RORA: variants seen among roughly 807,000 people sequenced by gnomAD.
The protein encoded by RORA is nuclear receptor ROR-alpha.
A neutral mutation model predicts 69.5 loss-of-function variants in RORA; 7 were observed. The ratio of observed to expected loss-of-function variants is 0.10; its 90% CI spans 0.06 to 0.19. The LOEUF (loss-of-function observed/expected upper bound fraction) is 0.19. RORA is among the 10% of genes least tolerant of loss of function. The pLI is 1.00. For synonymous variants in RORA, 261 were observed against 240.8 expected, an observed-to-expected ratio of 1.08 and a Z score of -0.78; for missense variants, 457 against 663.0, an observed-to-expected ratio of 0.69 and a Z score of 3.41.
At chr15:60,593,523 C>A (rs541853892) in intron 2 of RORA, 1 of 152,248 alleles carries the variant, frequency 6.6e-6, no homozygotes, top group African/African-American at 2.4e-5. Context: ...CTTAATTCTT[C>A]TTACTGTCCT....
intron 1 of RORA, among the ~76,000 whole-genome samples, chr15:61,188,953 G>C (rs1008987087): frequency 6.6e-6 from 1 of 152,100 alleles, no homozygotes; most frequent in African/African-American, 2.4e-5. Context: ...TACTCACCGA[G>C]GAAGAAAAAA....
rs2078807923 is a variant in RORA at position 61,097,470 on chromosome 15, A to AG, written c.166+131582dup. ...TTCACAGTAGCCACCCTGTTCTCCAAGGGGGCTCCAGGACTTTCTGCTTGT... is the reference window on the plus strand; with the variant it reads ...TTCACAGTAGCCACCCTGTTCTCCAAGGGGGGCTCCAGGACTTTCTGCTTGT... On this transcript the variant is annotated intron_variant, in intron 1 of 10. Coordinates refer to ENST00000335670, the MANE Select transcript of RORA (RefSeq NM_134261.3). 4.0e-5 allele frequency among the ~76,000 whole-genome samples: 6 copies of AG among 151,766 alleles called. No individual in the cohort carries two copies. The South Asian group carries it at 1.3e-3, about 32-fold the overall frequency.
chr15:60,701,047 G>A (rs531590742), intron 1 of RORA, among the ~76,000 whole-genome samples: 6 of 152,222 alleles, frequency 3.9e-5, no homozygotes, highest in African/African-American at 9.6e-5. Flanking sequence ...ACCCAAAGGC[G>A]GCCTACTCTT....
At chr15:60,707,962 A>G (rs2071087206) in intron 1 of RORA, among the ~76,000 whole-genome samples, 1 of 152,186 alleles carries the variant, frequency 6.6e-6, no homozygotes, top group Admixed American at 6.5e-5. Flanking sequence ...TATAGAACAC[A>G]TTGTATACAT....
At chr15:60,754,994 T>A (rs75802104) in intron 1 of RORA, among the ~76,000 whole-genome samples, 3,135 of 151,580 alleles carry the variant, frequency 0.021, 114 homozygotes, top group African/African-American at 0.072. Context: ...TTTTTTTTTT[T>A]TATATATACT....
At position 60,775,626 on chromosome 15, in the gene RORA, C is replaced by T. The variant is rs147984844; in HGVS notation, c.167-96940G>A. Among the ~76,000 whole-genome samples, 680 of 152,300 alleles carry T rather than the reference C, an allele frequency of 4.5e-3. 1 individual carries two copies. The highest frequency in any genetic ancestry group is 5.9e-3 in the Non-Finnish European group (401 of 68,036). On this transcript the variant is annotated intron_variant, in intron 1 of 10. Coordinates refer to ENST00000335670, the MANE Select transcript of RORA (RefSeq NM_134261.3). ...CTCCCTGATTACCCCCTACTCAAGG[C>T]ACGAGCACACACACGCACAATTCAT...
chr15:61,031,923 C>A (rs1329816253), intron 1 of RORA, among the ~76,000 whole-genome samples: 1 of 152,178 alleles, frequency 6.6e-6, no homozygotes, highest in Non-Finnish European at 1.5e-5. Flanking sequence ...TCACTTACTT[C>A]TCTTCTGAAG....
chr15:60,946,916 C>G (rs1033436470), intron 1 of RORA, among the ~76,000 whole-genome samples: 6 of 151,946 alleles, frequency 3.9e-5, no homozygotes, highest in Non-Finnish European at 8.8e-5. Context: ...TCTGCCCGGC[C>G]CCGACCCCGT....
At chr15:60,746,296 A>T (rs1278180139) in intron 1 of RORA, among the ~76,000 whole-genome samples, 2 of 149,748 alleles carry the variant, frequency 1.3e-5, no homozygotes, top group Non-Finnish European at 3.0e-5. Flanking sequence ...GGCCATGTGC[A>T]TTTTTTTTTT....
Position 60,814,575 on chromosome 15 carries a change from C to T in RORA, c.167-135889G>A, listed in dbSNP as rs187105036. ...ATTTTTTCCAAGCTTGAATCCAAGC[C>T]GAAGAAAATGGATGGAAGAGAGGAA... is the stretch of plus-strand genomic sequence containing the variant. On this transcript the variant is annotated intron_variant, in intron 1 of 10. Transcript: ENST00000335670. Among the ~76,000 whole-genome samples, 10 of 152,178 alleles carry T rather than the reference C, an allele frequency of 6.6e-5. No individual in the cohort carries two copies. The East Asian group carries it at 9.6e-4, about 15-fold the overall frequency.
chr15:60,972,852 G>C (rs1434301553), intron 1 of RORA, among the ~76,000 whole-genome samples: 1 of 152,110 alleles, frequency 6.6e-6, no homozygotes, highest in East Asian at 1.9e-4. Flanking sequence ...AATAGTTGTG[G>C]CTCTTAGTAT....
intron 2 of RORA, among the ~76,000 whole-genome samples, chr15:60,617,708 A>G (rs947863499): frequency 5.9e-5 from 9 of 151,982 alleles, no homozygotes; most frequent in South Asian, 2.1e-4. Flanking sequence ...GGAGAGAGAG[A>G]GAAACCTAAA....
intron 1 of RORA, among the ~76,000 whole-genome samples, chr15:61,155,395 A>G (rs187356829): frequency 3.3e-3 from 496 of 152,342 alleles, no homozygotes; most frequent in Non-Finnish European, 5.0e-3. Context: ...TCAGGCATAT[A>G]AATCTTAAAT....
At chr15:60,954,168 C>A (rs1893193794) in intron 1 of RORA, among the ~76,000 whole-genome samples, 1 of 143,314 alleles carries the variant, frequency 7.0e-6, no homozygotes, top group Non-Finnish European at 1.5e-5. Flanking sequence ...TGGAAATCAT[C>A]ATTCTCAGTA....
intron 1 of RORA, among the ~76,000 whole-genome samples, chr15:60,958,667 G>A (rs907838714): frequency 1.3e-5 from 2 of 152,094 alleles, no homozygotes; most frequent in African/African-American, 4.8e-5. Context: ...GAATAATAAA[G>A]GAAATAAAAC....
chr15:61,008,197 CTCTCTCTG>C (rs1187906480), intron 1 of RORA, among the ~76,000 whole-genome samples: 56 of 89,200 alleles, frequency 6.3e-4, no homozygotes, highest in South Asian at 1.1e-3. Context: ...AAAATTCTCT[CTCTCTCTG>C]TGTGTGTGTG....
At chr15:60,532,226 G>A (rs1394566079) in intron 2 of RORA, among the ~76,000 whole-genome samples, 1 of 152,164 alleles carries the variant, frequency 6.6e-6, no homozygotes, top group Non-Finnish European at 1.5e-5. Flanking sequence ...TCATAAATCT[G>A]TCTTGGCTGA....
chr15:60,767,835 G>A (rs2072013505), intron 1 of RORA, among the ~76,000 whole-genome samples: 1 of 152,052 alleles, frequency 6.6e-6, no homozygotes, highest in African/African-American at 2.4e-5. Context: ...CTAACACTGG[G>A]GCTCCTAGAG....
intron 1 of RORA, among the ~76,000 whole-genome samples, chr15:60,846,979 A>C (rs914401150): frequency 6.6e-6 from 1 of 152,176 alleles, no homozygotes; most frequent in Admixed American, 6.5e-5. Flanking sequence ...TTTTGGTACC[A>C]AGCTTTTTGG....
Sources: gnomAD v4.1 joint callset for allele counts (sites outside exome capture counted in the v4.1 genomes callset) on GRCh38, gnomAD v4.1.1 for gene constraint, MANE v1.5 for transcripts, NCBI Gene and HGNC (gene_info 2026-07-23, HGNC 2026-07-21) for gene names.